Variants in LRP6 observed in about 807,000 individuals in gnomAD.
LRP6 encodes LDL receptor related protein 6, also known as low-density lipoprotein receptor-related protein 6.
In LRP6, 43 loss-of-function variants were observed where a neutral mutation model predicts 184.1. The ratio of observed to expected loss-of-function variants is 0.23; its 90% CI spans 0.18 to 0.30. The LOEUF (loss-of-function observed/expected upper bound fraction) is 0.30. LRP6 is among the 10% of genes least tolerant of loss of function. The probability of loss-of-function intolerance (pLI) is 1.00; values close to 1 mark genes in which losing one functional copy is unlikely to be tolerated. For missense variants in LRP6, 1,571 were observed against 2,005.3 expected, an observed-to-expected ratio of 0.78 and a Z score of 4.14; for synonymous variants, 719 against 684.9, an observed-to-expected ratio of 1.05 and a Z score of -0.78.
chr12:12,247,977 CCCTGAAT>C (rs1865229783), intron 1 of LRP6, among the ~76,000 whole-genome samples: 1 of 152,150 alleles, frequency 6.6e-6, no homozygotes, highest in South Asian at 2.1e-4. Context: ...AATTTCCATG[CCCTGAAT>C]CCTTTATCCT....
chr12:12,151,156 C>A, intron 12 of LRP6, 118 bp from the exon 13 acceptor site: 1 of 976,378 alleles, frequency 1.0e-6, no homozygotes, highest in Non-Finnish European at 1.6e-6. Context: ...TGTTGAAGAG[C>A]TAAGGCTGAG....
intron 2 of LRP6, among the ~76,000 whole-genome samples, chr12:12,205,705 T>C (rs562752167): frequency 1.1e-3 from 168 of 152,348 alleles, no homozygotes; most frequent in African/African-American, 3.8e-3. Flanking sequence ...TCACTCAAAG[T>C]CACATTGCTA....
chr12:12,166,319 G>C (rs1314923419), intron 7 of LRP6, among the ~76,000 whole-genome samples: 6 of 152,016 alleles, frequency 3.9e-5, no homozygotes, highest in African/African-American at 1.4e-4. Flanking sequence ...ATTTCCAATT[G>C]CATTTCCAGG....
At chr12:12,220,859 G>T (rs11609961) in intron 2 of LRP6, among the ~76,000 whole-genome samples, 25 of 152,030 alleles carry the variant, frequency 1.6e-4, no homozygotes, top group Non-Finnish European at 3.4e-4. Context: ...CTCAGTCTCC[G>T]AAAGTGCTGG....
intron 15 of LRP6, among the ~76,000 whole-genome samples, chr12:12,144,169 T>C (rs949412679): frequency 1.3e-5 from 2 of 152,220 alleles, no homozygotes; most frequent in African/African-American, 4.8e-5. Flanking sequence ...ATCTAGAATG[T>C]ACAAAGAATT....
chr12:12,210,094 T>A (rs992055522), intron 2 of LRP6, among the ~76,000 whole-genome samples: 4 of 152,146 alleles, frequency 2.6e-5, no homozygotes, highest in Admixed American at 2.6e-4. Context: ...ACATTGACAA[T>A]GAAAGAAATC....
intron 12 of LRP6, among the ~76,000 whole-genome samples, chr12:12,152,315 A>T (rs1950093019): frequency 6.6e-6 from 1 of 152,136 alleles, no homozygotes. Context: ...ATATGTCTTT[A>T]TCAACCGCAT....
intron 12 of LRP6, 70 bp from the exon 13 acceptor site, chr12:12,151,108 C>T: frequency 7.8e-7 from 1 of 1,289,992 alleles, no homozygotes. Flanking sequence ...ATGATTTGAT[C>T]AGCCTGTTGT....
intron 13 of LRP6, among the ~76,000 whole-genome samples, chr12:12,149,371 G>C (rs1412870652): frequency 6.6e-6 from 1 of 152,112 alleles, no homozygotes; most frequent in Non-Finnish European, 1.5e-5. Flanking sequence ...CTGAAAAAAA[G>C]AGCTGAGGTC....
intron 3 of LRP6, among the ~76,000 whole-genome samples, chr12:12,191,436 T>C (rs1362718671): frequency 6.6e-6 from 1 of 151,860 alleles, no homozygotes. Flanking sequence ...GACATGAGAG[T>C]TCTGTGAAAC....
intron 5 of LRP6, among the ~76,000 whole-genome samples, chr12:12,182,431 A>G (rs545603299): frequency 2.6e-4 from 25 of 96,174 alleles, no homozygotes; most frequent in African/African-American, 7.6e-4. Context: ...TCTTTTTTTC[A>G]TTTTAAATTG....
chr12:12,266,805 G>A lies in LRP6; in HGVS notation c.-70C>T, dbSNP rs1432166328. Reference sequence around the variant, plus strand: ...GAAGTGGGGGAGGCGAGGAGCCGGGGCGGCCGCCGCAGCGGCAGGGCTGCA... The same window carrying A: ...GAAGTGGGGGAGGCGAGGAGCCGGGACGGCCGCCGCAGCGGCAGGGCTGCA... On this transcript the variant is annotated 5_prime_UTR_variant, in exon 1 of 23. Coordinates refer to ENST00000261349, the MANE Select transcript of LRP6 (RefSeq NM_002336.3). 5 of 1,305,368 alleles carry A rather than the reference G, an allele frequency of 3.8e-6. No individual in the cohort carries two copies. The African/African-American group carries it at 4.4e-5, about 11-fold the overall frequency. The allele number at this position is 1,305,368 out of a possible 1,614,324, so 80.9% of individuals were successfully genotyped here.
intron 5 of LRP6, 63 bp from the exon 6 acceptor site, chr12:12,181,502 G>C: frequency 1.2e-6 from 1 of 838,892 alleles, no homozygotes. Context: ...ACCTGCTCTA[G>C]ATAAAGAATC....
chr12:12,237,055 C>A (rs941259768), intron 2 of LRP6, among the ~76,000 whole-genome samples: 1 of 152,162 alleles, frequency 6.6e-6, no homozygotes, highest in African/African-American at 2.4e-5. Context: ...GACCAGCCCC[C>A]ATCCAGAAGC....
intron 7 of LRP6, among the ~76,000 whole-genome samples, chr12:12,166,194 G>A (rs1189461714): frequency 6.6e-6 from 1 of 152,038 alleles, no homozygotes; most frequent in Non-Finnish European, 1.5e-5. Flanking sequence ...TGCCCAGCAC[G>A]CAGGCCCCTT....
intron 10 of LRP6, 41 bp downstream of exon 10, chr12:12,162,152 T>A: frequency 2.0e-6 from 3 of 1,468,342 alleles, no homozygotes; most frequent in Non-Finnish European, 2.9e-6. Context: ...CCCCGAAATG[T>A]ACACTGCAGT....
chr12:12,169,239 T>TAAC lies in LRP6; in HGVS notation c.1546-3945_1546-3944insGTT, dbSNP rs199814950. Among the ~76,000 whole-genome samples, 371 of 150,960 alleles carry TAAC rather than the reference T, an allele frequency of 2.5e-3. 1 individual carries two copies. Among genetic ancestry groups the TAAC allele is most frequent in the African/African-American group, 8.7e-3 (360 of 41,202 alleles). On this transcript the variant is annotated intron_variant, in intron 7 of 22. Transcript: ENST00000261349. ...AGCAAACTCTGCCTCAAAATGATAA[T>TAAC]AATAATAATAATAATAATAAATAAA...
chr12:12,220,578 CA>C (rs1457711699), intron 2 of LRP6, among the ~76,000 whole-genome samples: 37 of 150,092 alleles, frequency 2.5e-4, no homozygotes, highest in African/African-American at 7.1e-4. Context: ...AGACTATGAA[CA>C]CTAACGCATA....
At position 12,125,420 on chromosome 12, in the gene LRP6, C is replaced by T. The variant is rs1478965201; in HGVS notation, c.4325G>A (p.Gly1442Asp). ...LSGSLPGMSR[G>D]KSMISSLSIM... ...ACTGAGGGAGCTGATCATTGATTTA[C>T]CTCGAGACATTCCTAAAATAAAAGG... is the stretch of plus-strand genomic sequence containing the variant. Residue 1442 changes from glycine (G) to aspartate (D), a missense_variant, in exon 21 of 23, where the codon GGT (glycine) becomes GAT (aspartate). Around this residue, in one of 4 missense-constraint regions of LRP6, gnomAD observed 763 missense variants for 859.5 expected, o/e 0.89. Transcript: ENST00000261349. 1.2e-6 allele frequency: 2 copies of T among 1,613,754 alleles called. No homozygotes were observed. Among genetic ancestry groups the T allele is most frequent in the Non-Finnish European group, 1.7e-6 (2 of 1,179,936 alleles).
Sources: allele counts gnomAD v4.1 joint callset (sites outside exome capture counted in the v4.1 genomes callset), GRCh38; gene constraint gnomAD v4.1.1; regional missense constraint gnomAD v4.1.1; transcripts MANE v1.5; gene names NCBI Gene and HGNC (gene_info 2026-07-23, HGNC 2026-07-21).